The following UBAC2 variants were observed in gnomAD, a reference collection of about 807,000 sequenced individuals.
The protein encoded by UBAC2 is ubiquitin-associated domain-containing protein 2.
UBAC2 carries 26 observed loss-of-function variants against 44.0 expected under a neutral mutation model. The observed-to-expected ratio is 0.59, with a 90% CI of 0.43 to 0.82. The LOEUF is 0.82. UBAC2 is among the 40% of genes least tolerant of loss of function. The pLI, the probability that UBAC2 is intolerant of heterozygous loss-of-function variation, is 0.00. For missense variants in UBAC2, 329 were observed against 419.4 expected (o/e 0.78, Z 1.88); for synonymous variants, 155 against 154.3 (o/e 1.00, Z -0.04).
chr13:99,322,625 T>G (rs574968349), intron 6 of UBAC2, among the ~76,000 whole-genome samples: 1 of 152,346 alleles, frequency 6.6e-6, no homozygotes, highest in South Asian at 2.1e-4. Flanking sequence ...TTACTTGTCA[T>G]GTACAGTATA....
intron 7 of UBAC2, among the ~76,000 whole-genome samples, chr13:99,362,070 T>C (rs954156097): frequency 6.6e-6 from 1 of 152,230 alleles, no homozygotes; most frequent in Non-Finnish European, 1.5e-5. Flanking sequence ...ATGTAAATAG[T>C]ATTACATTTT....
chr13:99,219,954 G>A lies in UBAC2; in HGVS notation c.32-18473G>A, dbSNP rs142517074. Among the ~76,000 whole-genome samples the A allele has an allele frequency of 9.3e-4, 142 of 151,884 alleles. 1 individual carries two copies. Among genetic ancestry groups the A allele is most frequent in the African/African-American group, 3.2e-3 (133 of 41,418 alleles). On this transcript the variant is annotated intron_variant, in intron 1 of 8. Transcript: ENST00000403766. ...GTATGGATATACATTTTGTTCATTT[G>A]TTGATGGACATTGGTTTGTATCCAC...
rs1354591045 is a variant in UBAC2, at chr13:99,244,990, G to GC, written c.389+368dup. Among the ~76,000 whole-genome samples, 3 of 152,064 alleles carry GC rather than the reference G, an allele frequency of 2.0e-5. No homozygotes were observed. In the South Asian group the frequency reaches 6.2e-4, roughly 31 times the overall value. On this transcript the variant is annotated intron_variant, in intron 4 of 8. Transcript: ENST00000403766. The stretch of plus-strand genomic sequence containing the variant: ...TGGGACTACAGGCACGTGCCACCAT[G>GC]CCTGGCTAATTTTTGTATTTTTTAG...
chr13:99,244,219 A>G (rs1000794001), intron 3 of UBAC2, among the ~76,000 whole-genome samples: 1 of 152,200 alleles, frequency 6.6e-6, no homozygotes, highest in Non-Finnish European at 1.5e-5. Context: ...TAATAAAATT[A>G]TAATTTATTT....
intron 7 of UBAC2, among the ~76,000 whole-genome samples, chr13:99,344,671 C>A (rs1566513012): frequency 6.6e-6 from 1 of 152,260 alleles, no homozygotes; most frequent in East Asian, 1.9e-4. Flanking sequence ...ACACTCAAGT[C>A]TTGATTCAGT....
At chr13:99,215,982 T>G (rs1305826897) in intron 1 of UBAC2, among the ~76,000 whole-genome samples, 1 of 152,256 alleles carries the variant, frequency 6.6e-6, no homozygotes, top group East Asian at 1.9e-4. Flanking sequence ...GAAGTAATAT[T>G]AGTCTTTAAT....
chr13:99,285,023 A>G (rs2044000288), intron 4 of UBAC2, among the ~76,000 whole-genome samples: 2 of 152,212 alleles, frequency 1.3e-5, no homozygotes, highest in Non-Finnish European at 1.5e-5. Flanking sequence ...CTGGCATTTT[A>G]AAAGTATTTT....
chr13:99,250,542 G>A (rs1165253823), intron 4 of UBAC2, among the ~76,000 whole-genome samples: 3 of 151,570 alleles, frequency 2.0e-5, no homozygotes, highest in Non-Finnish European at 4.4e-5. Flanking sequence ...GGATTGCTTT[G>A]GCTATTTGGG....
At chr13:99,306,687 C>T (rs1201981906) in intron 4 of UBAC2, among the ~76,000 whole-genome samples, 2 of 152,112 alleles carry the variant, frequency 1.3e-5, no homozygotes, top group Non-Finnish European at 2.9e-5. Context: ...CCCTCAGGCA[C>T]ATAGAAAAGA....
intron 7 of UBAC2, chr13:99,351,987 A>G (rs1222036216): frequency 2.9e-6 from 1 of 340,654 alleles, no homozygotes; most frequent in Non-Finnish European, 5.8e-6. Context: ...GCACATCCTC[A>G]CTTGGTAACA....
intron 2 of UBAC2, among the ~76,000 whole-genome samples, chr13:99,242,079 C>T (rs1184213846): frequency 1.3e-5 from 2 of 151,650 alleles, no homozygotes; most frequent in Admixed American, 1.3e-4. Flanking sequence ...AACAGGATCC[C>T]AAGGCAGAAG....
At chr13:99,226,638 G>C (rs2043113070) in intron 1 of UBAC2, among the ~76,000 whole-genome samples, 1 of 152,152 alleles carries the variant, frequency 6.6e-6, no homozygotes, top group South Asian at 2.1e-4. Context: ...CCTCATAATG[G>C]CCTGTAGGGC....
At chr13:99,280,372 C>G (rs1206995428) in intron 4 of UBAC2, among the ~76,000 whole-genome samples, 1 of 152,162 alleles carries the variant, frequency 6.6e-6, no homozygotes, top group Non-Finnish European at 1.5e-5. Flanking sequence ...TCATTTATTA[C>G]GACAATTGTG....
At chr13:99,366,000 G>C (rs527983190) in intron 7 of UBAC2, among the ~76,000 whole-genome samples, 10 of 152,098 alleles carry the variant, frequency 6.6e-5, no homozygotes, top group African/African-American at 2.4e-4. Flanking sequence ...TATTTATTTG[G>C]CATGAATGTA....
intron 4 of UBAC2, chr13:99,256,494 C>G (rs776873787): frequency 7.9e-5 from 12 of 152,120 alleles, no homozygotes; most frequent in Non-Finnish European, 1.6e-4. Flanking sequence ...AGCTGCTCTA[C>G]TTCAGTGGTT....
intron 7 of UBAC2, among the ~76,000 whole-genome samples, chr13:99,349,616 C>T (rs2045048211): frequency 6.6e-6 from 1 of 152,208 alleles, no homozygotes; most frequent in South Asian, 2.1e-4. Context: ...GGGCCCTTCC[C>T]TCTTAGGTAG....
At chr13:99,237,683 C>T (rs1193209868) in intron 1 of UBAC2, among the ~76,000 whole-genome samples, 1 of 152,190 alleles carries the variant, frequency 6.6e-6, no homozygotes, top group Non-Finnish European at 1.5e-5. Flanking sequence ...GGCTGGGTGC[C>T]GTGGCCCATG....
intron 1 of UBAC2, chr13:99,215,573 G>C (rs1174187577): frequency 7.2e-7 from 1 of 1,389,362 alleles, no homozygotes; most frequent in Non-Finnish European, 1.0e-6. Flanking sequence ...CCTCTGCGGT[G>C]AGGTACTCCA....
Position 99,292,099 on chromosome 13 carries a change from G to A in UBAC2, c.390-21998G>A, listed in dbSNP as rs113197573. On this transcript the variant is annotated intron_variant, in intron 4 of 8. Coordinates refer to ENST00000403766, the MANE Select transcript of UBAC2 (RefSeq NM_001144072.2). The stretch of plus-strand genomic sequence containing the variant: ...ACATGATTGAGTTGTCTTCTTTATG[G>A]CCAGGATACAGAATTGGGGTTACAT... Among the ~76,000 whole-genome samples, 796 of 151,842 alleles carry A rather than the reference G, an allele frequency of 5.2e-3. 5 individuals carry two copies. The highest frequency in any genetic ancestry group is 0.014 in the Middle Eastern group (4 of 294).
Sources: gnomAD v4.1 joint callset for allele counts (sites outside exome capture counted in the v4.1 genomes callset) on GRCh38, gnomAD v4.1.1 for gene constraint, MANE v1.5 for transcripts, NCBI Gene and HGNC (gene_info 2026-07-23, HGNC 2026-07-21) for gene names.